CSMD3: variants seen among roughly 807,000 people sequenced by gnomAD.
CSMD3 encodes CUB and Sushi multiple domains 3.
In CSMD3, 177 loss-of-function variants were observed where a neutral mutation model predicts 435.2. The observed-to-expected ratio is 0.41, with a 90% CI of 0.36 to 0.46. The LOEUF (loss-of-function observed/expected upper bound fraction) is 0.46. CSMD3 is among the 20% of genes least tolerant of loss of function. The pLI, the probability that CSMD3 is intolerant of heterozygous loss-of-function variation, is 0.34. For missense variants in CSMD3, 4,265 were observed against 4,504.6 expected, an observed-to-expected ratio of 0.95 and a Z score of 1.52; for synonymous variants, 1,656 against 1,520.5, an observed-to-expected ratio of 1.09 and a Z score of -2.07.
intron 45 of CSMD3, among the ~76,000 whole-genome samples, chr8:112,324,770 G>C (rs1021972761): frequency 1.3e-5 from 2 of 151,990 alleles, no homozygotes; most frequent in African/African-American, 4.8e-5. Context: ...GGGGAATGTG[G>C]TCAGATTTAT....
rs189324383 is a variant in CSMD3, at chr8:112,821,017, T to C, written c.1859+8669A>G. On this transcript the variant is annotated intron_variant, in intron 12 of 70. Coordinates refer to ENST00000297405, the MANE Select transcript of CSMD3 (RefSeq NM_198123.2). ...TTTATGGCTGCATAGTATTCCATGA[T>C]GTATATGTACCATATTTTCTTTATC... Among the ~76,000 whole-genome samples the C allele has an allele frequency of 2.2e-4, 34 of 152,346 alleles. 1 individual carries two copies. The highest frequency in any genetic ancestry group is 2.2e-3 in the Admixed American group (34 of 15,300).
intron 1 of CSMD3, among the ~76,000 whole-genome samples, chr8:113,418,353 T>C (rs10108963): frequency 0.47 from 70,656 of 151,922 alleles, 16,789 homozygotes; most frequent in Middle Eastern, 0.55. Context: ...AACAGTTTAG[T>C]GCAAACCAAT....
At chr8:112,699,367 G>A (rs965048499) in intron 13 of CSMD3, among the ~76,000 whole-genome samples, 8 of 151,988 alleles carry the variant, frequency 5.3e-5, no homozygotes, top group African/African-American at 1.9e-4. Context: ...TCACCGCTAG[G>A]GTCCACGGCT....
intron 5 of CSMD3, among the ~76,000 whole-genome samples, chr8:113,091,492 T>G (rs1460425446): frequency 6.6e-6 from 1 of 152,082 alleles, no homozygotes; most frequent in Non-Finnish European, 1.5e-5. Context: ...TATGGCTCAG[T>G]CTTGGTAGGT....
intron 29 of CSMD3, among the ~76,000 whole-genome samples, chr8:112,504,261 T>C (rs759830369): frequency 5.9e-5 from 9 of 152,106 alleles, no homozygotes; most frequent in African/African-American, 1.2e-4. Flanking sequence ...AAGAGTTTAG[T>C]TGATGAAAAG....
rs1320004971 is a variant in CSMD3 at position 113,006,292 on chromosome 8, T to G, written c.1030+12775A>C. On this transcript the variant is annotated intron_variant, in intron 6 of 70. Coordinates refer to ENST00000297405, the MANE Select transcript of CSMD3 (RefSeq NM_198123.2). ...TGTCTCTATATGTATTTATTTCAAG[T>G]TGACAGACTTTTGGACTCTTCAGGC... Among the ~76,000 whole-genome samples the G allele has an allele frequency of 2.0e-5, 3 of 151,988 alleles. No homozygotes were observed. In the Admixed American group the frequency reaches 2.0e-4, roughly 10 times the overall value.
intron 22 of CSMD3, among the ~76,000 whole-genome samples, chr8:112,615,556 A>T (rs1444865245): frequency 1.3e-5 from 2 of 152,106 alleles, no homozygotes; most frequent in Non-Finnish European, 2.9e-5. Context: ...TGATTTTTAC[A>T]GTCATGTTGG....
chr8:113,009,855 G>A (rs1018585155), intron 6 of CSMD3, among the ~76,000 whole-genome samples: 4 of 151,554 alleles, frequency 2.6e-5, no homozygotes, highest in Non-Finnish European at 4.4e-5. Flanking sequence ...AATAACAGCC[G>A]GTAGTACCTG....
rs2083949140 is a variant in CSMD3 at position 112,954,739 on chromosome 8, T to C, written c.1365A>G (p.Lys455=). 1 of 1,592,498 alleles carries C rather than the reference T, an allele frequency of 6.3e-7. No individual in the cohort carries two copies. The highest frequency in any genetic ancestry group is 1.7e-5 in the Admixed American group (1 of 59,786). The change falls in exon 8 of 71, where the codon AAA becomes AAG. Residue 455 remains lysine (K), a synonymous_variant. Coordinates refer to ENST00000297405, the MANE Select transcript of CSMD3 (RefSeq NM_198123.2). ...THRVKKAIDF[K]SRGFKLFPGK... ...CTGGAAACAATTTAAATCCTCTAGA[T>C]TTAAAATCTATGGCCTTTTTCACTA...
intron 5 of CSMD3, among the ~76,000 whole-genome samples, chr8:113,066,398 AAG>A (rs2088861811): frequency 6.6e-6 from 1 of 152,034 alleles, no homozygotes; most frequent in Non-Finnish European, 1.5e-5. Flanking sequence ...GTTAAAAAAA[AAG>A]AAAGAGAAGA....
intron 17 of CSMD3, among the ~76,000 whole-genome samples, chr8:112,663,729 A>G (rs2075447310): frequency 6.6e-6 from 1 of 152,118 alleles, no homozygotes; most frequent in East Asian, 1.9e-4. Flanking sequence ...GAAAATTTAG[A>G]ACAGTGTAGG....
Position 112,403,062 on chromosome 8 carries a change from C to T in CSMD3, c.5809+3462G>A, listed in dbSNP as rs187360509. Reference sequence around the variant, plus strand: ...AGCTCTCTGGTAGGCACAAGATAGGCGGAACATTAAGTCCAGCTGATTTAT... The same window carrying T: ...AGCTCTCTGGTAGGCACAAGATAGGTGGAACATTAAGTCCAGCTGATTTAT... On this transcript the variant is annotated intron_variant, in intron 35 of 70. Transcript: ENST00000297405. Among the ~76,000 whole-genome samples the T allele has an allele frequency of 3.1e-3, 465 of 152,162 alleles. 3 individuals carry two copies. The highest frequency in any genetic ancestry group is 3.4e-3 in the Non-Finnish European group (231 of 67,996).
intron 8 of CSMD3, among the ~76,000 whole-genome samples, chr8:112,953,520 A>T (rs1469383414): frequency 6.6e-6 from 1 of 151,476 alleles, no homozygotes; most frequent in Admixed American, 6.6e-5. Flanking sequence ...TGAAACAGGT[A>T]ACCCTACCAG....
intron 3 of CSMD3, among the ~76,000 whole-genome samples, chr8:113,188,904 T>G (rs2092546529): frequency 6.6e-6 from 1 of 151,916 alleles, no homozygotes; most frequent in Non-Finnish European, 1.5e-5. Context: ...AACTATGTTG[T>G]GAGTTTCTTA....
chr8:112,968,874 T>G (rs950559137), intron 7 of CSMD3, among the ~76,000 whole-genome samples: 7 of 152,018 alleles, frequency 4.6e-5, no homozygotes, highest in African/African-American at 1.7e-4. Context: ...ACTAGCTCCC[T>G]CATTGTGATG....
chr8:113,431,128 C>T (rs1406956377), intron 1 of CSMD3, among the ~76,000 whole-genome samples: 1 of 152,106 alleles, frequency 6.6e-6, no homozygotes, highest in Non-Finnish European at 1.5e-5. Flanking sequence ...GGTAGGTATA[C>T]CTGGAAATAC....
At chr8:113,056,559 A>T (rs2088349278) in intron 5 of CSMD3, among the ~76,000 whole-genome samples, 4 of 152,180 alleles carry the variant, frequency 2.6e-5, no homozygotes. Flanking sequence ...TTAATATCAC[A>T]TGGAATGGCA....
chr8:112,283,104 AT>A (rs1255906801), intron 58 of CSMD3, among the ~76,000 whole-genome samples: 1 of 152,098 alleles, frequency 6.6e-6, no homozygotes, highest in East Asian at 1.9e-4. Context: ...GCACAGAAAG[AT>A]TAAGTAACTT....
chr8:113,301,999 T>G (rs1459865268), intron 2 of CSMD3, among the ~76,000 whole-genome samples: 3 of 151,408 alleles, frequency 2.0e-5, no homozygotes, highest in African/African-American at 7.3e-5. Flanking sequence ...GTAAAATGAC[T>G]CAATGAAATA....
Sources: gnomAD v4.1 joint callset for allele counts (sites outside exome capture counted in the v4.1 genomes callset) on GRCh38, gnomAD v4.1.1 for gene constraint, MANE v1.5 for transcripts, NCBI Gene and HGNC (gene_info 2026-07-23, HGNC 2026-07-21) for gene names.